Variants in LINGO2 observed in about 807,000 individuals in gnomAD.
The protein encoded by LINGO2 is leucine-rich repeat and immunoglobulin-like domain-containing nogo receptor-interacting protein 2.
Under a neutral mutation model 30.6 loss-of-function variants are expected in LINGO2, and 14 were observed. The observed-to-expected ratio is 0.46, with a 90% CI of 0.30 to 0.72. LINGO2 has a LOEUF of 0.72. Ranked by LOEUF, LINGO2 falls within the 30% of genes least tolerant of loss-of-function variation. LINGO2 has a pLI of 0.07. For missense variants in LINGO2, 729 were observed against 751.7 expected, an observed-to-expected ratio of 0.97 and a Z score of 0.35; for synonymous variants, 317 against 288.5, an observed-to-expected ratio of 1.10 and a Z score of -1.00.
chr9:28,889,257 G>T, the LINGO2 span, among the ~76,000 whole-genome samples: 1 of 152,002 alleles, frequency 6.6e-6, no homozygotes, highest in Non-Finnish European at 1.5e-5. Context: ...TTTCAATAAT[G>T]CCTGAGTCAA....
the LINGO2 span, among the ~76,000 whole-genome samples, chr9:29,067,073 C>A: frequency 6.6e-6 from 1 of 151,696 alleles, no homozygotes; most frequent in African/African-American, 2.4e-5. Flanking sequence ...GTAGGAAAAA[C>A]AGAGAAAGAA....
the LINGO2 span, among the ~76,000 whole-genome samples, chr9:28,965,090 C>T: frequency 0.063 from 9,633 of 151,818 alleles, 395 homozygotes; most frequent in Non-Finnish European, 0.097. Flanking sequence ...GCATTTTATG[C>T]ATCAAATGGT....
At chr9:28,414,424 A>G (rs964924334) in intron 2 of LINGO2, among the ~76,000 whole-genome samples, 1 of 152,098 alleles carries the variant, frequency 6.6e-6, no homozygotes, top group Non-Finnish European at 1.5e-5. Context: ...ATTTTCCCTC[A>G]CCATGTGCTT....
At chr9:28,363,732 T>C (rs537458479) in intron 3 of LINGO2, among the ~76,000 whole-genome samples, 1 of 152,344 alleles carries the variant, frequency 6.6e-6, no homozygotes, top group East Asian at 1.9e-4. Flanking sequence ...TTACAAAATT[T>C]CTACTATTAT....
chr9:28,786,068 AT>A, the LINGO2 span, among the ~76,000 whole-genome samples: 10 of 152,234 alleles, frequency 6.6e-5, no homozygotes, highest in Non-Finnish European at 1.3e-4. Context: ...TCTGTAATGC[AT>A]CTTCCTCTGG....
chr9:28,667,752 C>A (rs1384784319), intron 1 of LINGO2, among the ~76,000 whole-genome samples: 1 of 152,004 alleles, frequency 6.6e-6, no homozygotes, highest in East Asian at 1.9e-4. Flanking sequence ...AAAACAAAAA[C>A]AAAAACAAAA....
the LINGO2 span, among the ~76,000 whole-genome samples, chr9:28,802,026 C>A: frequency 6.6e-6 from 1 of 151,518 alleles, no homozygotes; most frequent in Admixed American, 6.6e-5. Flanking sequence ...TATATTATAA[C>A]AAAAGTTATG....
the LINGO2 span, among the ~76,000 whole-genome samples, chr9:29,054,477 G>T: frequency 1.3e-5 from 2 of 152,090 alleles, no homozygotes; most frequent in Non-Finnish European, 1.5e-5. Flanking sequence ...AGCACCAAAA[G>T]ATGGAATTGT....
intron 4 of LINGO2, among the ~76,000 whole-genome samples, chr9:28,086,019 G>A (rs542804003): frequency 5.1e-4 from 77 of 152,184 alleles, no homozygotes; most frequent in Non-Finnish European, 9.7e-4. Flanking sequence ...GGTGTGAACA[G>A]CTGTATAAAA....
the LINGO2 span, among the ~76,000 whole-genome samples, chr9:28,848,193 C>T: frequency 6.5e-5 from 6 of 92,864 alleles, no homozygotes; most frequent in East Asian, 6.2e-4. Context: ...TATATATACA[C>T]ATATATAGTA....
intron 5 of LINGO2, among the ~76,000 whole-genome samples, chr9:27,959,472 C>T (rs1819733429): frequency 1.3e-5 from 2 of 151,608 alleles, no homozygotes; most frequent in African/African-American, 4.9e-5. Context: ...CGGTCAAAAA[C>T]GTTTTCTAAT....
chr9:28,079,609 A>T (rs1319497047), intron 4 of LINGO2, among the ~76,000 whole-genome samples: 2 of 152,308 alleles, frequency 1.3e-5, no homozygotes, highest in East Asian at 3.9e-4. Flanking sequence ...CTTGTTTATA[A>T]AAAGATACCT....
At chr9:28,394,516 C>A (rs921564689) in intron 2 of LINGO2, among the ~76,000 whole-genome samples, 1 of 152,104 alleles carries the variant, frequency 6.6e-6, no homozygotes, top group Non-Finnish European at 1.5e-5. Context: ...TTTATTCCTT[C>A]AGTAAAGATA....
chr9:28,452,094 C>CA (rs2135076109), intron 2 of LINGO2, among the ~76,000 whole-genome samples: 2 of 151,782 alleles, frequency 1.3e-5, no homozygotes, highest in East Asian at 3.9e-4. Context: ...CTAGTTCAAA[C>CA]AAAATCACAG....
chr9:29,027,125 A>C, the LINGO2 span, among the ~76,000 whole-genome samples: 1 of 152,174 alleles, frequency 6.6e-6, no homozygotes, highest in Non-Finnish European at 1.5e-5. Context: ...GGGTAAAAAA[A>C]TATAGTTATT....
At chr9:28,519,845 A>G (rs560302027) in intron 1 of LINGO2, among the ~76,000 whole-genome samples, 36 of 152,302 alleles carry the variant, frequency 2.4e-4, no homozygotes, top group African/African-American at 7.5e-4. Context: ...CATTGAGTCT[A>G]AGAAGTTTTT....
intron 3 of LINGO2, among the ~76,000 whole-genome samples, chr9:28,364,342 G>GT (rs11387618): frequency 0.15 from 22,023 of 146,408 alleles, 2,019 homozygotes; most frequent in African/African-American, 0.26. Context: ...GTTAGCTTTA[G>GT]TTTTTTTTTT....
the LINGO2 span, among the ~76,000 whole-genome samples, chr9:29,040,248 A>AT: frequency 6.6e-6 from 1 of 152,130 alleles, no homozygotes; most frequent in South Asian, 2.1e-4. Context: ...TTTTAAATTG[A>AT]TAAAATTGCC....
chr9:28,826,502 T>C, the LINGO2 span, among the ~76,000 whole-genome samples: 1 of 152,036 alleles, frequency 6.6e-6, no homozygotes, highest in Non-Finnish European at 1.5e-5. Flanking sequence ...AAAAAGAGCA[T>C]CACAGGCCTG....
Sources: allele counts gnomAD v4.1 joint callset (sites outside exome capture counted in the v4.1 genomes callset), GRCh38; gene constraint gnomAD v4.1.1; transcripts MANE v1.5; gene names NCBI Gene and HGNC (gene_info 2026-07-23, HGNC 2026-07-21).